Variants in YES1 observed in about 807,000 individuals in gnomAD.
YES1 encodes tyrosine-protein kinase Yes.
A neutral mutation model predicts 70.4 loss-of-function variants in YES1; 39 were observed. The ratio of observed to expected loss-of-function variants is 0.55; its 90% CI spans 0.43 to 0.72. YES1 has a LOEUF of 0.72. YES1 is among the 30% of genes least tolerant of loss of function. The probability of loss-of-function intolerance (pLI) is 0.00; values close to 1 mark genes in which losing one functional copy is unlikely to be tolerated. For synonymous variants in YES1, 198 were observed against 218.6 expected, an observed-to-expected ratio of 0.91 and a Z score of 0.83; for missense variants, 495 against 644.8, an observed-to-expected ratio of 0.77 and a Z score of 2.52.
intron 1 of YES1, 99 bp from the exon 2 acceptor site, chr18:756,934 C>T: frequency 1.7e-6 from 2 of 1,182,172 alleles, no homozygotes; most frequent in Non-Finnish European, 2.3e-6. Flanking sequence ...ATATGCCATC[C>T]CTGCAAAAAG....
intron 1 of YES1, among the ~76,000 whole-genome samples, chr18:787,437 C>T (rs891556062): frequency 1.3e-5 from 2 of 151,972 alleles, no homozygotes; most frequent in Admixed American, 6.5e-5. Flanking sequence ...GGGCTGGGCG[C>T]GGTGGCTCAC....
At chr18:775,990 T>C (rs1905361507) in intron 1 of YES1, among the ~76,000 whole-genome samples, 1 of 152,196 alleles carries the variant, frequency 6.6e-6, no homozygotes, top group African/African-American at 2.4e-5. Context: ...TTTTTTGCTA[T>C]TAGAATAATG....
chr18:761,110 A>G lies in YES1; in HGVS notation c.-8-4275T>C, dbSNP rs1193645309. Reference sequence around the variant, plus strand: ...TACCAGACTGGAAGATTTTGACTCAATATACTTAAGCCTGAAGGCAAAATT... The same window carrying G: ...TACCAGACTGGAAGATTTTGACTCAGTATACTTAAGCCTGAAGGCAAAATT... On this transcript the variant is annotated intron_variant, in intron 1 of 11. Transcript: ENST00000314574. Among the ~76,000 whole-genome samples the G allele has an allele frequency of 2.6e-5, 4 of 152,202 alleles. No homozygotes were observed. In the East Asian group the frequency reaches 7.7e-4, roughly 29 times the overall value.
In YES1 at chr18:749,691, T is replaced by TA. The variant is rs542060072; in HGVS notation, c.372-1674dup. On this transcript the variant is annotated intron_variant, in intron 3 of 11. Transcript: ENST00000314574. ...TAACACGGTGAAACCCCGTCTCTAC[T>TA]AAAAAAAAAACAAAAAAAATTAGCC... Among the ~76,000 whole-genome samples the TA allele has an allele frequency of 5.0e-3, 717 of 143,394 alleles. 4 individuals carry two copies. Among genetic ancestry groups the TA allele is most frequent in the African/African-American group, 0.011 (411 of 39,028 alleles). 94.1% of individuals were successfully genotyped at this position (143,394 alleles called of 152,430 possible).
At chr18:798,096 C>G (rs763253103) in intron 1 of YES1, 5 of 152,142 alleles carry the variant, frequency 3.3e-5, no homozygotes, top group Non-Finnish European at 5.9e-5. Flanking sequence ...CTCTGAGAAC[C>G]ACCTTCATGA....
intron 1 of YES1, among the ~76,000 whole-genome samples, chr18:798,775 C>T (rs1441520152): frequency 6.6e-6 from 1 of 152,114 alleles, no homozygotes; most frequent in Non-Finnish European, 1.5e-5. Flanking sequence ...GTACACTGTC[C>T]ATTAGAATTT....
chr18:793,456 C>T (rs1011513559), intron 1 of YES1, among the ~76,000 whole-genome samples: 1 of 152,180 alleles, frequency 6.6e-6, no homozygotes, highest in East Asian at 1.9e-4. Flanking sequence ...CCCATCTCAG[C>T]CTCCTGAGTA....
intron 11 of YES1, among the ~76,000 whole-genome samples, chr18:731,306 G>T (rs936296163): frequency 2.0e-5 from 3 of 152,206 alleles, no homozygotes; most frequent in Admixed American, 6.5e-5. Flanking sequence ...ATCACCATGT[G>T]TATTAAGATG....
chr18:788,393 T>C (rs1906072929), intron 1 of YES1, among the ~76,000 whole-genome samples: 1 of 152,214 alleles, frequency 6.6e-6, no homozygotes, highest in Non-Finnish European at 1.5e-5. Context: ...GGCTTACTTC[T>C]GGCTACACTA....
intron 1 of YES1, among the ~76,000 whole-genome samples, chr18:777,816 A>G (rs539515699): frequency 6.0e-4 from 91 of 152,030 alleles, no homozygotes; most frequent in African/African-American, 2.1e-3. Context: ...TAAAAAAAAA[A>G]AAAAAAAAAA....
At chr18:749,702 C>CA (rs937749662) in intron 3 of YES1, among the ~76,000 whole-genome samples, 3 of 149,524 alleles carry the variant, frequency 2.0e-5, no homozygotes, top group Non-Finnish European at 4.5e-5. Context: ...AAAAAAAAAA[C>CA]AAAAAAAATT....
intron 6 of YES1, among the ~76,000 whole-genome samples, chr18:744,072 A>T (rs371335812): frequency 6.3e-4 from 95 of 150,244 alleles, no homozygotes; most frequent in Non-Finnish European, 1.2e-3. Flanking sequence ...TAAAATATAT[A>T]TTTTTTTAAG....
In YES1 at chr18:787,080, C is replaced by CTTTTTTTTT. The variant is rs71174290; in HGVS notation, c.-9+25025_-9+25033dup. The stretch of plus-strand genomic sequence containing the variant: ...TTTAAAAAACTGTGATACATACTGT[C>CTTTTTTTTT]TTTTTTTTTTTTTTTTTTTTTTTTT... On this transcript the variant is annotated intron_variant, in intron 1 of 11. Transcript: ENST00000314574. 6.9e-4 allele frequency among the ~76,000 whole-genome samples: 24 copies of CTTTTTTTTT among 34,762 alleles called. 2 individuals carry two copies. Among genetic ancestry groups the CTTTTTTTTT allele is most frequent in the Non-Finnish European group, 9.0e-4 (18 of 20,026 alleles). The allele number at this position is 34,762 out of a possible 152,430, so 22.8% of individuals were successfully genotyped here.
intron 1 of YES1, 47 bp downstream of exon 1, chr18:812,067 G>C (rs1039718893): frequency 6.4e-6 from 1 of 155,902 alleles, no homozygotes. Context: ...AGCCCTGTCC[G>C]GGCAGAGGTG....
At chr18:728,796 T>C (rs1487714244) in intron 11 of YES1, among the ~76,000 whole-genome samples, 2 of 152,208 alleles carry the variant, frequency 1.3e-5, no homozygotes, top group Non-Finnish European at 1.5e-5. Context: ...AGTACTGGGA[T>C]TACAGGCCTG....
At chr18:741,189 T>TGCA (rs1250964417) in intron 8 of YES1, among the ~76,000 whole-genome samples, 3 of 151,974 alleles carry the variant, frequency 2.0e-5, no homozygotes, top group Non-Finnish European at 4.4e-5. Flanking sequence ...TGAACCACTG[T>TGCA]GCCTGGCCTG....
At chr18:806,331 C>A (rs533114590) in intron 1 of YES1, among the ~76,000 whole-genome samples, 8 of 152,220 alleles carry the variant, frequency 5.3e-5, no homozygotes, top group African/African-American at 1.7e-4. Flanking sequence ...TTAGAAATAT[C>A]AAAATGACCT....
rs868062249 is a variant in YES1, at chr18:746,365, G to A, written c.471-314C>T. 4.6e-5 allele frequency among the ~76,000 whole-genome samples: 7 copies of A among 152,100 alleles called. No homozygotes were observed. The South Asian group carries it at 1.5e-3, about 32-fold the overall frequency. Reference sequence around the variant, plus strand: ...CAGACCCTTTCTGTCAGTGACAAATGGAAATATTAAGACTATGACAGGAAG... The same window carrying A: ...CAGACCCTTTCTGTCAGTGACAAATAGAAATATTAAGACTATGACAGGAAG... On this transcript the variant is annotated intron_variant, in intron 4 of 11. Coordinates refer to ENST00000314574, the MANE Select transcript of YES1 (RefSeq NM_005433.4).
chr18:779,007 A>G (rs1905522255), intron 1 of YES1, among the ~76,000 whole-genome samples: 1 of 152,166 alleles, frequency 6.6e-6, no homozygotes, highest in Non-Finnish European at 1.5e-5. Flanking sequence ...TATACAAACA[A>G]TTGACCTTAA....
Sources: allele counts gnomAD v4.1 joint callset (sites outside exome capture counted in the v4.1 genomes callset), GRCh38; gene constraint gnomAD v4.1.1; transcripts MANE v1.5; gene names NCBI Gene and HGNC (gene_info 2026-07-23, HGNC 2026-07-21).